KPNA7: variants seen among roughly 807,000 people sequenced by gnomAD.
KPNA7 encodes importin subunit alpha-8.
Under a neutral mutation model 53.7 loss-of-function variants are expected in KPNA7, and 54 were observed. The observed-to-expected ratio is 1.01, with a 90% CI of 0.81 to 1.26. KPNA7 has a LOEUF of 1.26. KPNA7 is among the 50% of genes most tolerant of loss of function. The pLI is 0.00. For synonymous variants in KPNA7, 276 were observed against 259.3 expected (o/e 1.06, Z -0.62); for missense variants, 640 against 644.5 (o/e 0.99, Z 0.07).
chr7:99,203,915 T>C (rs1055701811), intron 2 of KPNA7, among the ~76,000 whole-genome samples: 11 of 152,098 alleles, frequency 7.2e-5, no homozygotes, highest in African/African-American at 2.4e-4. Context: ...TTCTCCATGT[T>C]GGCCAGGCTG....
chr7:99,170,676 C>T (rs757260777), downstream of KPNA7, among the ~76,000 whole-genome samples: 4 of 152,086 alleles, frequency 2.6e-5, no homozygotes. Context: ...TTCTAGACTG[C>T]AAGGCTGATA....
downstream of KPNA7, among the ~76,000 whole-genome samples, chr7:99,171,949 C>G (rs943970853): frequency 2.4e-4 from 37 of 152,100 alleles, no homozygotes; most frequent in African/African-American, 8.9e-4. Flanking sequence ...GGATGACAAG[C>G]ATGTTGGTAG....
At chr7:99,201,791 C>T (rs1400120345) in intron 3 of KPNA7, among the ~76,000 whole-genome samples, 1 of 151,966 alleles carries the variant, frequency 6.6e-6, no homozygotes, top group African/African-American at 2.4e-5. Context: ...TTAGTGCCAC[C>T]TCTGCCTCCC....
At chr7:99,174,761 T>C (rs1798839214) in intron 10 of KPNA7, among the ~76,000 whole-genome samples, 1 of 152,100 alleles carries the variant, frequency 6.6e-6, no homozygotes, top group Non-Finnish European at 1.5e-5. Context: ...ACCCTGGAGT[T>C]CTTGGATCAA....
chr7:99,146,199 G>A, the KPNA7 span, among the ~76,000 whole-genome samples: 4 of 152,176 alleles, frequency 2.6e-5, no homozygotes, highest in Middle Eastern at 3.4e-3. Context: ...AGGTGTTCCT[G>A]ACCTGGAAAC....
chr7:99,215,369 CAAAAAAAAAAA>C lies in KPNA7; in HGVS notation c.-23-7891_-23-7881del, dbSNP rs533680824. Among the ~76,000 whole-genome samples, 9 of 52,072 alleles carry C rather than the reference CAAAAAAAAAAA, an allele frequency of 1.7e-4. No individual in the cohort carries two copies. In the South Asian group the frequency reaches 5.1e-3, roughly 29 times the overall value. The allele number at this position is 52,072 out of a possible 152,430, so 34.2% of individuals were successfully genotyped here. On this transcript the variant is annotated intron_variant, in intron 1 of 10. Coordinates refer to the KPNA7 transcript ENST00000681060. ...CCTGGGCAACAGAGCGAGACTGTCT[CAAAAAAAAAAA>C]AAAAAAAAAAAAAAAAGGCATTTGC...
rs1219449556 is a variant in KPNA7 at position 99,195,424 on chromosome 7, C to T, written c.285-86G>A. ...TCCTTTTAGGCCAGGTGCGGTGGCTCACACCTGTAATCTCAGCACTTTGGG... is the reference window on the plus strand; with the variant it reads ...TCCTTTTAGGCCAGGTGCGGTGGCTTACACCTGTAATCTCAGCACTTTGGG... On this transcript the variant is annotated intron_variant, in intron 4 of 10. Coordinates refer to ENST00000327442, the MANE Select transcript of KPNA7 (RefSeq NM_001145715.3). 7 of 1,299,912 alleles carry T rather than the reference C, an allele frequency of 5.4e-6. No homozygotes were observed. The Admixed American group carries it at 8.7e-5, about 16-fold the overall frequency. 80.5% of individuals were successfully genotyped at this position (1,299,912 alleles called of 1,614,324 possible).
At position 99,185,156 on chromosome 7, in the gene KPNA7, A is replaced by G. The variant is rs749716497; in HGVS notation, c.907T>C (p.Ser303Pro). ...ACAATGTTCCCCACGGTGCGGAGAG[A>G]AGGAGTCTGGAAGAGCAAGGCTAGA... ...TSSELNVLTP[S>P]LRTVGNIVTG... The change falls in exon 8 of 11, where the codon TCT becomes CCT. Residue 303 changes from serine to proline, a missense_variant. Ser to Pro is a moderately conservative substitution (Grantham distance 74, BLOSUM62 -1). Transcript: ENST00000327442. 5.9e-5 allele frequency: 91 copies of G among 1,550,776 alleles called. No homozygotes were observed. Among genetic ancestry groups the G allele is most frequent in the Middle Eastern group, 1.7e-4 (1 of 6,018 alleles).
intron 3 of KPNA7, among the ~76,000 whole-genome samples, chr7:99,199,300 T>C (rs1252251051): frequency 2.0e-5 from 3 of 151,640 alleles, no homozygotes; most frequent in Non-Finnish European, 4.4e-5. Flanking sequence ...CAAAATTATA[T>C]TGAAAAAAAG....
chr7:99,178,066 C>T lies in KPNA7; in HGVS notation c.1318G>A (p.Ala440Thr), dbSNP rs1024331795. The part of the protein sequence containing the change: ...ILDVISCILQ[A>T]AEKRSEKENL... ...TCCTTCTCAGACCGTTTCTCTGCCG[C>T]CTGTGACCAAGTACAAGGGGACATG... is the stretch of plus-strand genomic sequence containing the variant. Residue 440 changes from alanine (A) to threonine (T), a missense_variant and splice_region_variant, in exon 10 of 11, where the codon GCG becomes ACG. Transcript: ENST00000327442. The T allele has an allele frequency of 6.4e-6, 10 of 1,551,206 alleles. No individual in the cohort carries two copies. In the Admixed American group the frequency reaches 1.8e-4, roughly 27 times the overall value.
intron 2 of KPNA7, 82 bp from the exon 3 acceptor site, chr7:99,203,322 C>T (rs528312298): frequency 6.4e-6 from 9 of 1,414,240 alleles, no homozygotes; most frequent in Non-Finnish European, 7.7e-6. Context: ...TTCAAAGCAT[C>T]CAATTTCATT....
the KPNA7 span, among the ~76,000 whole-genome samples, chr7:99,161,438 G>A: frequency 6.6e-6 from 1 of 152,110 alleles, no homozygotes; most frequent in Non-Finnish European, 1.5e-5. Context: ...TCCCAGTTGA[G>A]TCTTCAAATG....
chr7:99,173,107 A>C (rs1798802554), downstream of KPNA7, among the ~76,000 whole-genome samples: 1 of 150,018 alleles, frequency 6.7e-6, no homozygotes, highest in Non-Finnish European at 1.5e-5. Flanking sequence ...GTCTGTCCGG[A>C]TAACTATAAG....
chr7:99,164,366 T>C, the KPNA7 span, among the ~76,000 whole-genome samples: 1 of 151,984 alleles, frequency 6.6e-6, no homozygotes, highest in Non-Finnish European at 1.5e-5. Flanking sequence ...GAAACCATCA[T>C]TCTCAGCAAA....
the KPNA7 span, among the ~76,000 whole-genome samples, chr7:99,158,475 C>T: frequency 6.6e-6 from 1 of 151,970 alleles, no homozygotes; most frequent in Non-Finnish European, 1.5e-5. Context: ...ATTTCATCTT[C>T]CAATTCTGTT....
At chr7:99,194,779 A>G (rs983955411) in intron 5 of KPNA7, among the ~76,000 whole-genome samples, 3 of 152,018 alleles carry the variant, frequency 2.0e-5, no homozygotes, top group Admixed American at 6.6e-5. Flanking sequence ...TAATTTTTGT[A>G]TATTTAGTAG....
chr7:99,168,212 A>G, the KPNA7 span, among the ~76,000 whole-genome samples: 11 of 152,172 alleles, frequency 7.2e-5, no homozygotes, highest in South Asian at 2.1e-4. Context: ...CTGCTTTAGC[A>G]TTTGCCTCTC....
At chr7:99,211,475 A>G (rs1791070899), upstream of KPNA7, among the ~76,000 whole-genome samples, 2 of 152,216 alleles carry the variant, frequency 1.3e-5, no homozygotes, top group South Asian at 2.1e-4. Context: ...GACAAGCTCT[A>G]TGCAAGATCA....
At chr7:99,181,831 G>C in intron 9 of KPNA7, 52 bp downstream of exon 9, 1 of 1,397,294 alleles carries the variant, frequency 7.2e-7, no homozygotes. Context: ...TTAAATGCTT[G>C]TATCCAGTTG....
Sources: gnomAD v4.1 joint callset for allele counts (sites outside exome capture counted in the v4.1 genomes callset) on GRCh38, gnomAD v4.1.1 for gene constraint, MANE v1.5 for transcripts, NCBI Gene and HGNC (gene_info 2026-07-23, HGNC 2026-07-21) for gene names.